The following ATP8B4 variants were observed in gnomAD, a reference collection of about 807,000 sequenced individuals.
ATP8B4 encodes ATPase phospholipid transporting 8B4 (putative), also known as probable phospholipid-transporting ATPase IM.
In ATP8B4, 133 loss-of-function variants were observed where a neutral mutation model predicts 145.6. The ratio of observed to expected loss-of-function variants is 0.91; its 90% CI spans 0.79 to 1.05. ATP8B4 has a LOEUF of 1.05. ATP8B4 is among the 50% of genes least tolerant of loss of function. The pLI, the probability that ATP8B4 is intolerant of heterozygous loss-of-function variation, is 0.00. For missense variants in ATP8B4, 1,458 were observed against 1,425.2 expected (o/e 1.02, Z -0.37); for synonymous variants, 507 against 492.9 (o/e 1.03, Z -0.38).
In ATP8B4 at chr15:50,103,989, C is replaced by T. The variant is rs373370193; in HGVS notation, c.28+2950G>A. ...AAAATCATCAATGGGGGAAAGGATA[C>T]CCAATTTAACAAATGGTGCTGGGAT... On this transcript the variant is annotated intron_variant, in intron 2 of 27. Coordinates refer to ENST00000284509, the MANE Select transcript of ATP8B4 (RefSeq NM_024837.4). 3.0e-4 allele frequency among the ~76,000 whole-genome samples: 45 copies of T among 152,158 alleles called. 1 individual carries two copies. The highest frequency in any genetic ancestry group is 1.1e-3 in the African/African-American group (44 of 41,526).
chr15:50,128,198 G>A (rs1368734978), intron 1 of ATP8B4, among the ~76,000 whole-genome samples: 1 of 152,246 alleles, frequency 6.6e-6, no homozygotes, highest in East Asian at 1.9e-4. Flanking sequence ...GGGGAATCAT[G>A]GAGACAGACA....
At chr15:50,051,766 G>C (rs574482556) in intron 3 of ATP8B4, among the ~76,000 whole-genome samples, 1 of 152,286 alleles carries the variant, frequency 6.6e-6, no homozygotes, top group Admixed American at 6.5e-5. Flanking sequence ...TTGCAAAAAG[G>C]ACATATGCAA....
chr15:49,919,005 A>G, intron 18 of ATP8B4, 55 bp from the exon 19 acceptor site: 2 of 1,246,350 alleles, frequency 1.6e-6, no homozygotes, highest in Non-Finnish European at 2.3e-6. Flanking sequence ...AATATCTATA[A>G]CATCTATGGA....
chr15:49,969,619 A>C (rs1162430524), intron 13 of ATP8B4, among the ~76,000 whole-genome samples: 1 of 152,196 alleles, frequency 6.6e-6, no homozygotes, highest in Non-Finnish European at 1.5e-5. Context: ...TCTGAAATTG[A>C]GGCAGTAATT....
At chr15:50,137,410 C>G (rs910510543) in intron 1 of ATP8B4, among the ~76,000 whole-genome samples, 1 of 152,232 alleles carries the variant, frequency 6.6e-6, no homozygotes, top group African/African-American at 2.4e-5. Context: ...GCAGTCCTGA[C>G]TGAGGAGAGC....
chr15:49,976,734 T>A (rs1481045234), intron 12 of ATP8B4, among the ~76,000 whole-genome samples: 1 of 152,126 alleles, frequency 6.6e-6, no homozygotes, highest in Non-Finnish European at 1.5e-5. Context: ...GAAGAGAAAA[T>A]GGGCATCGTT....
intron 13 of ATP8B4, among the ~76,000 whole-genome samples, chr15:49,962,423 A>G (rs1314058481): frequency 6.6e-6 from 1 of 152,224 alleles, no homozygotes; most frequent in East Asian, 1.9e-4. Context: ...AACTTTGCCT[A>G]TCTTGGTTTG....
chr15:50,142,990 T>A (rs12899687), intron 1 of ATP8B4, among the ~76,000 whole-genome samples: 24,636 of 152,240 alleles, frequency 0.16, 2,262 homozygotes, highest in Non-Finnish European at 0.21. Context: ...ATGAATTAAA[T>A]GCTTAGCTTA....
At chr15:50,101,178 T>C (rs1391659087) in intron 2 of ATP8B4, among the ~76,000 whole-genome samples, 2 of 152,198 alleles carry the variant, frequency 1.3e-5, no homozygotes, top group African/African-American at 4.8e-5. Context: ...TGGGGACTAC[T>C]GAGGAAAGTG....
intron 7 of ATP8B4, 54 bp from the exon 8 acceptor site, chr15:50,002,277 G>A (rs2047956600): frequency 1.4e-6 from 2 of 1,414,722 alleles, no homozygotes; most frequent in South Asian, 1.2e-5. Flanking sequence ...TTGGTTGAAA[G>A]TCTTCTACAG....
At chr15:50,102,624 G>C (rs2056435496) in intron 2 of ATP8B4, among the ~76,000 whole-genome samples, 1 of 151,936 alleles carries the variant, frequency 6.6e-6, no homozygotes, top group South Asian at 2.1e-4. Flanking sequence ...CAACAAAAAA[G>C]TCCAGGATCA....
chr15:49,964,536 T>A (rs532943115), intron 13 of ATP8B4, among the ~76,000 whole-genome samples: 1 of 152,294 alleles, frequency 6.6e-6, no homozygotes, highest in East Asian at 1.9e-4. Flanking sequence ...ACCCCCAACT[T>A]GTATGAAAAC....
intron 3 of ATP8B4, among the ~76,000 whole-genome samples, chr15:50,047,789 T>C (rs76964805): frequency 2.0e-4 from 31 of 152,336 alleles, no homozygotes; most frequent in Admixed American, 4.6e-4. Flanking sequence ...TGAGTTCCTG[T>C]TGGAGCCCGC....
intron 1 of ATP8B4, among the ~76,000 whole-genome samples, chr15:50,108,066 G>T (rs1009049682): frequency 6.6e-6 from 1 of 152,014 alleles, no homozygotes; most frequent in East Asian, 1.9e-4. Flanking sequence ...AGGACATAGG[G>T]GTGTCGCTGC....
chr15:50,120,338 C>A (rs745717459), upstream of ATP8B4, among the ~76,000 whole-genome samples: 3 of 152,020 alleles, frequency 2.0e-5, no homozygotes, highest in Non-Finnish European at 1.5e-5. Context: ...AAAAGAGGAC[C>A]AAGAACAGCT....
intron 23 of ATP8B4, among the ~76,000 whole-genome samples, chr15:49,892,989 A>G (rs985032181): frequency 6.6e-6 from 1 of 152,206 alleles, no homozygotes; most frequent in Non-Finnish European, 1.5e-5. Context: ...TGCAATCTGA[A>G]TTCAAAAAAT....
chr15:49,988,455 G>A (rs2046806995), intron 9 of ATP8B4, among the ~76,000 whole-genome samples: 1 of 152,010 alleles, frequency 6.6e-6, no homozygotes, highest in African/African-American at 2.4e-5. Context: ...GAGGGACAGA[G>A]GGAGGAAGGA....
rs186126140 is a variant in ATP8B4, at chr15:49,998,317, T to C, written c.507-1558A>G. On this transcript the variant is annotated intron_variant, in intron 8 of 27. Coordinates refer to ENST00000284509, the MANE Select transcript of ATP8B4 (RefSeq NM_024837.4). ...CTAGATCCCTGAGGAATCGCCACAC[T>C]GACTTCCACAAGGGTTGAACTAGTT... Among the ~76,000 whole-genome samples the C allele has an allele frequency of 1.6e-3, 249 of 152,314 alleles. 7 individuals are homozygous for C. In the East Asian group the frequency reaches 0.044, roughly 27 times the overall value.
chr15:49,868,571 T>C (rs945561756), intron 25 of ATP8B4, among the ~76,000 whole-genome samples: 3 of 152,150 alleles, frequency 2.0e-5, no homozygotes, highest in South Asian at 2.1e-4. Flanking sequence ...GCAGTATTAA[T>C]TTGGAAAAAA....
Sources: gnomAD v4.1 joint callset for allele counts (sites outside exome capture counted in the v4.1 genomes callset) on GRCh38, gnomAD v4.1.1 for gene constraint, MANE v1.5 for transcripts, NCBI Gene and HGNC (gene_info 2026-07-23, HGNC 2026-07-21) for gene names.